The following BLNK variants were observed in gnomAD, a reference collection of about 807,000 sequenced individuals.
The protein encoded by BLNK is B-cell linker protein.
In BLNK, 29 loss-of-function variants were observed where a neutral mutation model predicts 73.5. The observed-to-expected ratio is 0.39, with a 90% CI of 0.29 to 0.54. The LOEUF is 0.54. Ranked by LOEUF, BLNK falls within the 20% of genes least tolerant of loss-of-function variation. BLNK has a pLI of 0.61. For missense variants in BLNK, 460 were observed against 562.8 expected (o/e 0.82, Z 1.85); for synonymous variants, 176 against 200.8 (o/e 0.88, Z 1.04).
intron 1 of BLNK, among the ~76,000 whole-genome samples, chr10:96,263,791 C>CTCT (rs1843867379): frequency 1.3e-5 from 2 of 152,230 alleles, no homozygotes; most frequent in South Asian, 4.1e-4. Context: ...GGAGGCTTAA[C>CTCT]ACACAGTGAA....
intron 1 of BLNK, among the ~76,000 whole-genome samples, chr10:96,248,187 T>A (rs9664029): frequency 0.78 from 119,074 of 151,728 alleles, 48,331 homozygotes; most frequent in Non-Finnish European, 0.9. Context: ...GAACTACATA[T>A]TAGTTTGCTG....
At chr10:96,208,711 A>G (rs1408533144) in intron 9 of BLNK, among the ~76,000 whole-genome samples, 1 of 152,218 alleles carries the variant, frequency 6.6e-6, no homozygotes, top group African/African-American at 2.4e-5. Flanking sequence ...TTTTCGGCTG[A>G]GAGCTGAAGT....
Position 96,200,030 on chromosome 10 carries a change from A to T in BLNK, c.1095+45T>A. On this transcript the variant is annotated intron_variant, in intron 15 of 16. Coordinates refer to ENST00000224337, the MANE Select transcript of BLNK (RefSeq NM_013314.4). The surrounding 1 kb of genome is among the most constrained non-coding windows in gnomAD (Gnocchi z 4.3). ...CTGCATCATCTCAAAACAAATAAATAAAATAAAATAAAATAAAAATAATAA... is the reference window on the plus strand; with the variant it reads ...CTGCATCATCTCAAAACAAATAAATTAAATAAAATAAAATAAAAATAATAA... 1 of 1,263,366 alleles carries T rather than the reference A, an allele frequency of 7.9e-7. No individual in the cohort carries two copies. The highest frequency in any genetic ancestry group is 1.0e-6 in the Non-Finnish European group (1 of 971,702). The allele number at this position is 1,263,366 out of a possible 1,614,324, so 78.3% of individuals were successfully genotyped here.
intron 1 of BLNK, among the ~76,000 whole-genome samples, chr10:96,253,382 G>C (rs1235673641): frequency 1.1e-4 from 17 of 152,286 alleles, no homozygotes; most frequent in African/African-American, 3.9e-4. Flanking sequence ...TCTGAGACCA[G>C]GAGAAGCAAA....
chr10:96,195,243 A>G (rs1554894428), intron 16 of BLNK, among the ~76,000 whole-genome samples: 2 of 152,204 alleles, frequency 1.3e-5, no homozygotes, highest in Non-Finnish European at 2.9e-5. Flanking sequence ...GCTATGGAAA[A>G]AAGTATGGGA....
Position 96,271,284 on chromosome 10 carries a change from A to C in BLNK, c.47+68T>G, listed in dbSNP as rs375427360. 165 of 1,530,104 alleles carry C rather than the reference A, an allele frequency of 1.1e-4. No homozygotes were observed. The African/African-American group carries it at 2.0e-3, about 18-fold the overall frequency. 94.8% of individuals were successfully genotyped at this position (1,530,104 alleles called of 1,614,324 possible). On this transcript the variant is annotated intron_variant, in intron 1 of 16. Coordinates refer to ENST00000224337, the MANE Select transcript of BLNK (RefSeq NM_013314.4). ...GCATTCCAGGATTTCAGTATTTCTG[A>C]GATGCCATAAGAGCACTGGGGGGAA...
chr10:96,206,630 T>C (rs2083817618), intron 11 of BLNK, among the ~76,000 whole-genome samples: 1 of 152,170 alleles, frequency 6.6e-6, no homozygotes, highest in African/African-American at 2.4e-5. Context: ...AACATTATCT[T>C]GAAAACTTAG....
rs782340247 is a variant in BLNK, at chr10:96,209,917, C to T, written c.677-10G>A. 1.2e-6 allele frequency: 2 copies of T among 1,614,202 alleles called. No individual in the cohort carries two copies. The highest frequency in any genetic ancestry group is 1.3e-5 in the African/African-American group (1 of 75,066). ...GCCCCACTGTTTCGACCTGCACAAACATATACACTACTCAGTCCCCAAGTC... is the reference window on the plus strand; with the variant it reads ...GCCCCACTGTTTCGACCTGCACAAATATATACACTACTCAGTCCCCAAGTC... On this transcript the variant is annotated splice_polypyrimidine_tract_variant and intron_variant, in intron 8 of 16. Transcript: ENST00000224337.
intron 1 of BLNK, among the ~76,000 whole-genome samples, chr10:96,247,588 A>G (rs1843101716): frequency 1.3e-5 from 2 of 152,192 alleles, no homozygotes; most frequent in African/African-American, 4.8e-5. Context: ...CCTAAGGCCA[A>G]TTTGCACTGA....
intron 13 of BLNK, 65 bp from the exon 14 acceptor site, chr10:96,201,123 C>T: frequency 7.2e-7 from 1 of 1,384,484 alleles, no homozygotes; most frequent in Non-Finnish European, 1.0e-6. Flanking sequence ...CTATGCCTAT[C>T]CCCTAACACT....
intron 1 of BLNK, among the ~76,000 whole-genome samples, chr10:96,249,335 G>C (rs1843181023): frequency 6.6e-6 from 1 of 152,248 alleles, no homozygotes; most frequent in Admixed American, 6.5e-5. Context: ...GCGGTGGAAG[G>C]GTTACTTTTT....
intron 8 of BLNK, among the ~76,000 whole-genome samples, chr10:96,212,556 G>A (rs782031399): frequency 1.7e-4 from 26 of 152,290 alleles, no homozygotes; most frequent in East Asian, 9.6e-4. Context: ...TTTGGAGTCG[G>A]CTAAATCCAT....
Position 96,223,976 on chromosome 10 carries a change from G to A in BLNK, c.375C>T (p.Ser125=), listed in dbSNP as rs781812481. ...TGCTGAAGGGTGGGGAATGCCTCTGGCTTGATCGATTGTCTTGAAAGGAAC... is the reference window on the plus strand; with the variant it reads ...TGCTGAAGGGTGGGGAATGCCTCTGACTTGATCGATTGTCTTGAAAGGAAC... The part of the protein sequence containing the change: ...ARGEYIDNRS[S]QRHSPPFSKT... The change falls in exon 6 of 17, where the codon AGC becomes AGT. Residue 125 remains serine, a synonymous_variant. Transcript: ENST00000224337. The A allele has an allele frequency of 2.5e-6, 4 of 1,612,816 alleles. No homozygotes were observed. The African/African-American group carries it at 5.3e-5, about 22-fold the overall frequency.
rs781789284 is a variant in BLNK, at chr10:96,200,192, G to A, written c.1012-34C>T. ...TGGAGGGCACTGGTCAGCATGGGAT[G>A]GTCCCTACTTAACTCTAATTTCTGT... On this transcript the variant is annotated intron_variant, in intron 14 of 16. Coordinates refer to ENST00000224337, the MANE Select transcript of BLNK (RefSeq NM_013314.4). The surrounding 1 kb of genome is among the most constrained non-coding windows in gnomAD (Gnocchi z 4.3). 3.2e-6 allele frequency: 5 copies of A among 1,580,178 alleles called. No homozygotes were observed. Among genetic ancestry groups the A allele is most frequent in the South Asian group, 1.1e-5 (1 of 89,992 alleles).
chr10:96,253,605 AC>A (rs1421005536), intron 1 of BLNK, among the ~76,000 whole-genome samples: 1 of 152,210 alleles, frequency 6.6e-6, no homozygotes, highest in Non-Finnish European at 1.5e-5. Flanking sequence ...AGATCACTGG[AC>A]CCTAAACCAT....
rs1215188307 is a variant in BLNK at position 96,189,697 on chromosome 10, A to AAAT, written c.*2273_*2275dup. 9.5e-6 allele frequency: 6 copies of AAAT among 630,602 alleles called. No individual in the cohort carries two copies. The highest frequency in any genetic ancestry group is 4.1e-5 in the Admixed American group (2 of 48,624). 39.1% of individuals were successfully genotyped at this position (630,602 alleles called of 1,614,324 possible). A position where few individuals can be genotyped will look rare whatever the true frequency, so the allele number is the denominator to read the frequency against. ...TTTTTCTTCAGTTTCCTCATCATCA[A>AAAT]AATCATCATCATCATCATCATCATC... is the stretch of plus-strand genomic sequence containing the variant. On this transcript the variant is annotated 3_prime_UTR_variant, in exon 17 of 17. Coordinates refer to ENST00000224337, the MANE Select transcript of BLNK (RefSeq NM_013314.4).
chr10:96,227,992 A>C (rs1203706711), intron 4 of BLNK, among the ~76,000 whole-genome samples: 2 of 152,200 alleles, frequency 1.3e-5, no homozygotes. Context: ...ACACAGGGCC[A>C]GCTAGATATC....
At chr10:96,267,089 A>G (rs115964987) in intron 1 of BLNK, among the ~76,000 whole-genome samples, 2,080 of 152,318 alleles carry the variant, frequency 0.014, 47 homozygotes, top group African/African-American at 0.046. Flanking sequence ...AAATATATCA[A>G]GAAATATTTC....
rs782094990 is a variant in BLNK at position 96,206,982 on chromosome 10, T to G, written c.817+29A>C. 10 of 1,606,714 alleles carry G rather than the reference T, an allele frequency of 6.2e-6. No homozygotes were observed. The Admixed American group carries it at 1.7e-4, about 27-fold the overall frequency. On this transcript the variant is annotated intron_variant, in intron 11 of 16. Transcript: ENST00000224337. Reference sequence around the variant, plus strand: ...TTAATAAAATAACTTTTAGAGGACATGCTCATCCTTCAAAATAATAGATTT... The same window carrying G: ...TTAATAAAATAACTTTTAGAGGACAGGCTCATCCTTCAAAATAATAGATTT...
Sources: gnomAD v4.1 joint callset for allele counts (sites outside exome capture counted in the v4.1 genomes callset) on GRCh38, gnomAD v4.1.1 for gene constraint, Gnocchi (gnomAD v3.1) non-coding constraint, MANE v1.5 for transcripts, NCBI Gene and HGNC (gene_info 2026-07-23, HGNC 2026-07-21) for gene names.